GPR158: variants seen among roughly 807,000 people sequenced by gnomAD.
GPR158 encodes the protein G protein-coupled receptor 158.
In GPR158, 30 loss-of-function variants were observed where a neutral mutation model predicts 78.2. The ratio of observed to expected loss-of-function variants is 0.38; its 90% CI spans 0.29 to 0.52. The LOEUF is 0.52. Ranked by LOEUF, GPR158 falls within the 20% of genes least tolerant of loss-of-function variation. The pLI is 0.83. For missense variants in GPR158, 1,463 were observed against 1,523.5 expected (o/e 0.96, Z 0.66); for synonymous variants, 581 against 591.1 (o/e 0.98, Z 0.25).
chr10:25,410,074 C>T (rs866708853), intron 3 of GPR158, among the ~76,000 whole-genome samples: 3 of 152,084 alleles, frequency 2.0e-5, no homozygotes, highest in Non-Finnish European at 4.4e-5. Flanking sequence ...TAGTAAATTG[C>T]ATTTCTTTTA....
At chr10:25,365,491 C>G (rs1297890182) in intron 2 of GPR158, among the ~76,000 whole-genome samples, 2 of 151,670 alleles carry the variant, frequency 1.3e-5, no homozygotes, top group African/African-American at 2.4e-5. Context: ...ACTTGAGAAG[C>G]AGCCAAGTAT....
chr10:25,402,354 C>T lies in GPR158; in HGVS notation c.1111+6341C>T, dbSNP rs1007667420. 4.1e-4 allele frequency among the ~76,000 whole-genome samples: 63 copies of T among 151,990 alleles called. 2 individuals are homozygous for T. Among genetic ancestry groups the T allele is most frequent in the Admixed American group, 1.3e-4 (2 of 15,252 alleles). On this transcript the variant is annotated intron_variant, in intron 3 of 10. Coordinates refer to ENST00000376351, the MANE Select transcript of GPR158 (RefSeq NM_020752.3). ...TGGCAAGTAAATTCAATGCATGATC[C>T]TAGATTTCACCCTAGATGGAGAAAA...
intron 7 of GPR158, among the ~76,000 whole-genome samples, chr10:25,585,420 A>C (rs1482277133): frequency 1.3e-5 from 2 of 152,234 alleles, no homozygotes; most frequent in African/African-American, 4.8e-5. Flanking sequence ...ATGGGTGTCA[A>C]CTAACAAGAC....
intron 4 of GPR158, among the ~76,000 whole-genome samples, chr10:25,440,381 G>A (rs926356802): frequency 6.6e-5 from 10 of 152,140 alleles, no homozygotes; most frequent in African/African-American, 2.4e-4. Flanking sequence ...GAGAAAAAAG[G>A]CCACTCAACA....
At chr10:25,341,841 CAAAAA>C (rs1245595779) in intron 2 of GPR158, among the ~76,000 whole-genome samples, 3 of 139,750 alleles carry the variant, frequency 2.1e-5, no homozygotes, top group Non-Finnish European at 4.4e-5. Flanking sequence ...TGAAAAAAAA[CAAAAA>C]CAAAAACAAA....
At chr10:25,433,298 C>T (rs1051547862) in intron 4 of GPR158, among the ~76,000 whole-genome samples, 10 of 150,314 alleles carry the variant, frequency 6.7e-5, no homozygotes, top group East Asian at 3.9e-4. Flanking sequence ...TCTAGGCCTG[C>T]GTAAATTCTT....
intron 2 of GPR158, chr10:25,393,703 T>C (rs769993053): frequency 1.3e-5 from 2 of 152,182 alleles, no homozygotes; most frequent in Non-Finnish European, 2.9e-5. Context: ...TCATCCTCTT[T>C]GACCTAGCAA....
At chr10:25,469,209 A>G (rs937246888) in intron 5 of GPR158, among the ~76,000 whole-genome samples, 2 of 152,160 alleles carry the variant, frequency 1.3e-5, no homozygotes. Context: ...CTAGCCTCAA[A>G]GTTTAAGTAC....
intron 2 of GPR158, among the ~76,000 whole-genome samples, chr10:25,356,173 G>A (rs1855547334): frequency 6.6e-6 from 1 of 152,078 alleles, no homozygotes; most frequent in Non-Finnish European, 1.5e-5. Context: ...AGAGTGGGGA[G>A]AGGGGCATCA....
intron 3 of GPR158, among the ~76,000 whole-genome samples, chr10:25,405,386 T>G (rs968611549): frequency 6.6e-6 from 1 of 150,870 alleles, no homozygotes; most frequent in Admixed American, 6.7e-5. Flanking sequence ...GAAAAAGAAA[T>G]AAATGGCTGA....
At chr10:25,395,195 G>C (rs1426589208) in intron 2 of GPR158, among the ~76,000 whole-genome samples, 2 of 152,090 alleles carry the variant, frequency 1.3e-5, no homozygotes, top group African/African-American at 2.4e-5. Context: ...CTTGACCCTT[G>C]AAAGAAGTCA....
chr10:25,550,653 AGGTTTGTT>A (rs2130712053), intron 5 of GPR158, among the ~76,000 whole-genome samples: 1 of 152,274 alleles, frequency 6.6e-6, no homozygotes, highest in East Asian at 1.9e-4. Context: ...TATAACATGC[AGGTTTGTT>A]ACATATGTAT....
At chr10:25,470,696 T>C (rs965845524) in intron 5 of GPR158, among the ~76,000 whole-genome samples, 2 of 152,222 alleles carry the variant, frequency 1.3e-5, no homozygotes, top group Admixed American at 1.3e-4. Context: ...CCTGTATAAA[T>C]GGAGTGTCAT....
chr10:25,228,805 A>C (rs1853408833), intron 2 of GPR158, among the ~76,000 whole-genome samples: 1 of 151,970 alleles, frequency 6.6e-6, no homozygotes, highest in South Asian at 2.1e-4. Flanking sequence ...GCCAAGGCAG[A>C]CGGATCACGA....
intron 2 of GPR158, among the ~76,000 whole-genome samples, chr10:25,293,370 G>T (rs11014490): frequency 0.54 from 82,311 of 152,034 alleles, 23,292 homozygotes; most frequent in Non-Finnish European, 0.64. Flanking sequence ...GTCTGCCTAG[G>T]CTAAGCATGT....
chr10:25,220,968 T>C (rs987911752), intron 1 of GPR158, 84 bp from the exon 2 acceptor site: 2 of 830,758 alleles, frequency 2.4e-6, no homozygotes, highest in African/African-American at 1.7e-5. Flanking sequence ...TTCTTTATGA[T>C]AATTTTCTAA....
chr10:25,498,234 G>C (rs1835909057), intron 5 of GPR158, among the ~76,000 whole-genome samples: 2 of 152,178 alleles, frequency 1.3e-5, no homozygotes, highest in Non-Finnish European at 2.9e-5. Context: ...CAGTCTGCCA[G>C]AGTAACCACT....
intron 5 of GPR158, among the ~76,000 whole-genome samples, chr10:25,538,989 A>G (rs1357031979): frequency 6.6e-6 from 1 of 152,122 alleles, no homozygotes; most frequent in Non-Finnish European, 1.5e-5. Context: ...TCTCATAGAG[A>G]GATGGGAAAA....
At chr10:25,443,946 G>C (rs1835103850) in intron 4 of GPR158, among the ~76,000 whole-genome samples, 2 of 152,044 alleles carry the variant, frequency 1.3e-5, no homozygotes, top group African/African-American at 4.8e-5. Context: ...TTTTGGGTAT[G>C]TTCCCTGTAG....
Sources: gnomAD v4.1 joint callset for allele counts (sites outside exome capture counted in the v4.1 genomes callset) on GRCh38, gnomAD v4.1.1 for gene constraint, MANE v1.5 for transcripts, NCBI Gene and HGNC (gene_info 2026-07-23, HGNC 2026-07-21) for gene names.